The following GALNT13 variants were observed in gnomAD, a reference collection of about 807,000 sequenced individuals.
GALNT13 encodes the protein polypeptide N-acetylgalactosaminyltransferase 13.
Under a neutral mutation model 64.2 loss-of-function variants are expected in GALNT13, and 28 were observed. That is an observed-to-expected ratio of 0.44 (90% CI 0.32 to 0.60). The LOEUF (loss-of-function observed/expected upper bound fraction) is 0.60. Ranked by LOEUF, GALNT13 falls within the 20% of genes least tolerant of loss-of-function variation. The pLI is 0.05. For missense variants in GALNT13, 577 were observed against 669.8 expected (o/e 0.86, Z 1.53); for synonymous variants, 214 against 224.6 (o/e 0.95, Z 0.42).
At chr2:154,342,997 A>G (rs1695860502) in intron 9 of GALNT13, among the ~76,000 whole-genome samples, 1 of 152,052 alleles carries the variant, frequency 6.6e-6, no homozygotes, top group Non-Finnish European at 1.5e-5. Flanking sequence ...CATTGTATTT[A>G]GTATGAATTT....
the GALNT13 span, among the ~76,000 whole-genome samples, chr2:153,075,728 A>G: frequency 2.6e-5 from 4 of 152,146 alleles, no homozygotes; most frequent in African/African-American, 9.7e-5. Flanking sequence ...TCAAGCTTCT[A>G]TCCTTGTGTC....
At chr2:153,809,907 C>T in the GALNT13 span, among the ~76,000 whole-genome samples, 2 of 152,214 alleles carry the variant, frequency 1.3e-5, no homozygotes, top group South Asian at 4.1e-4. Flanking sequence ...TCTCCCTTCC[C>T]AAACATTTGT....
chr2:153,517,559 C>A, the GALNT13 span, among the ~76,000 whole-genome samples: 7 of 152,064 alleles, frequency 4.6e-5, no homozygotes, highest in African/African-American at 1.7e-4. Context: ...CAATTCGAGT[C>A]AGAAAATATT....
the GALNT13 span, among the ~76,000 whole-genome samples, chr2:153,450,802 T>C: frequency 9.2e-5 from 14 of 152,268 alleles, no homozygotes; most frequent in African/African-American, 2.4e-4. Flanking sequence ...AAAAGAAACT[T>C]TGATGGGCTT....
chr2:153,992,272 A>G (rs1695206655), intron 3 of GALNT13, among the ~76,000 whole-genome samples: 4 of 152,182 alleles, frequency 2.6e-5, no homozygotes. Flanking sequence ...GTGTGTTTTA[A>G]TGTATCATAT....
the GALNT13 span, among the ~76,000 whole-genome samples, chr2:153,214,332 A>G: frequency 1.3e-5 from 2 of 152,176 alleles, no homozygotes; most frequent in Non-Finnish European, 2.9e-5. Context: ...GAATAGCAAT[A>G]CAATATATAG....
At chr2:153,832,874 A>G in the GALNT13 span, among the ~76,000 whole-genome samples, 1 of 152,210 alleles carries the variant, frequency 6.6e-6, no homozygotes, top group Non-Finnish European at 1.5e-5. Flanking sequence ...CACAGGTAAT[A>G]CTAAACAAAT....
chr2:153,398,000 C>A, the GALNT13 span, among the ~76,000 whole-genome samples: 1 of 151,818 alleles, frequency 6.6e-6, no homozygotes, highest in African/African-American at 2.4e-5. Context: ...TATACATGTG[C>A]CATGCTGGTG....
chr2:153,500,160 G>T, the GALNT13 span, among the ~76,000 whole-genome samples: 878 of 152,262 alleles, frequency 5.8e-3, 12 homozygotes, highest in African/African-American at 0.02. Flanking sequence ...ATGACAGGGG[G>T]CATGTTTTGG....
chr2:153,932,175 T>TC (rs1217606600), intron 2 of GALNT13, among the ~76,000 whole-genome samples: 3 of 152,136 alleles, frequency 2.0e-5, no homozygotes, highest in African/African-American at 7.2e-5. Context: ...TTTAATTTTC[T>TC]CCCCCTTTTT....
chr2:153,281,003 A>G, the GALNT13 span, among the ~76,000 whole-genome samples: 3 of 152,280 alleles, frequency 2.0e-5, no homozygotes, highest in Middle Eastern at 3.4e-3. Flanking sequence ...AAGTCTTTTC[A>G]TAGGACTAGA....
At chr2:153,540,703 T>A in the GALNT13 span, among the ~76,000 whole-genome samples, 1 of 152,206 alleles carries the variant, frequency 6.6e-6, no homozygotes, top group Non-Finnish European at 1.5e-5. Context: ...ATGTGAGACA[T>A]GGAATCAAAG....
the GALNT13 span, among the ~76,000 whole-genome samples, chr2:153,511,158 A>C: frequency 1.6e-4 from 24 of 152,036 alleles, no homozygotes; most frequent in Non-Finnish European, 2.9e-4. Flanking sequence ...TTTTGATAGG[A>C]GCTATTAAAG....
chr2:154,043,414 TTATATATATATA>T (rs1179722579), intron 3 of GALNT13, among the ~76,000 whole-genome samples: 25 of 78,270 alleles, frequency 3.2e-4, no homozygotes, highest in Non-Finnish European at 5.1e-4. Flanking sequence ...ATAAGGACTT[TTATATATATATA>T]TATATATATA....
chr2:153,228,107 A>G, the GALNT13 span, among the ~76,000 whole-genome samples: 36 of 152,318 alleles, frequency 2.4e-4, 1 homozygote, highest in African/African-American at 8.7e-4. Flanking sequence ...GGAGTTGTAG[A>G]AGGGTGTAAT....
the GALNT13 span, among the ~76,000 whole-genome samples, chr2:153,513,981 C>T: frequency 6.6e-6 from 1 of 152,218 alleles, no homozygotes. Context: ...AGATCTTTAA[C>T]CTGTAAGGTT....
At chr2:153,604,740 G>A in the GALNT13 span, among the ~76,000 whole-genome samples, 34 of 152,006 alleles carry the variant, frequency 2.2e-4, no homozygotes, top group East Asian at 3.9e-4. Flanking sequence ...TAGTCTCTAC[G>A]TATATCTATG....
the GALNT13 span, among the ~76,000 whole-genome samples, chr2:153,810,621 G>C: frequency 6.6e-6 from 1 of 152,072 alleles, no homozygotes; most frequent in African/African-American, 2.4e-5. Flanking sequence ...AGAGATAAAG[G>C]AGCTCTAAAC....
At chr2:154,416,996 A>G (rs1170921365) in intron 11 of GALNT13, among the ~76,000 whole-genome samples, 1 of 151,700 alleles carries the variant, frequency 6.6e-6, no homozygotes, top group Non-Finnish European at 1.5e-5. Context: ...CATCTTTTAC[A>G]TTTTTCTCTC....
Sources: gnomAD v4.1 joint callset for allele counts (sites outside exome capture counted in the v4.1 genomes callset) on GRCh38, gnomAD v4.1.1 for gene constraint, MANE v1.5 for transcripts, NCBI Gene and HGNC (gene_info 2026-07-23, HGNC 2026-07-21) for gene names.